The following SHANK2 variants were observed in gnomAD, a reference collection of about 807,000 sequenced individuals.
The protein encoded by SHANK2 is SH3 and multiple ankyrin repeat domains 2.
Under a neutral mutation model 133.7 loss-of-function variants are expected in SHANK2, and 43 were observed. That is an observed-to-expected ratio of 0.32 (90% CI 0.25 to 0.41). The LOEUF (loss-of-function observed/expected upper bound fraction) is 0.41. SHANK2 is among the 10% of genes least tolerant of loss of function. The pLI, the probability that SHANK2 is intolerant of heterozygous loss-of-function variation, is 1.00. For missense variants in SHANK2, 1,994 were observed against 2,235.8 expected (o/e 0.89, Z 2.18); for synonymous variants, 1,017 against 952.8 (o/e 1.07, Z -1.24).
intron 14 of SHANK2, among the ~76,000 whole-genome samples, chr11:70,736,261 C>T (rs782581088): frequency 7.2e-5 from 11 of 152,148 alleles, no homozygotes; most frequent in Admixed American, 4.6e-4. Flanking sequence ...CAGTGTGCCC[C>T]TCTCTAGTTG....
At chr11:70,810,886 G>A (rs1410483770) in intron 12 of SHANK2, among the ~76,000 whole-genome samples, 4 of 152,184 alleles carry the variant, frequency 2.6e-5, no homozygotes, top group African/African-American at 7.2e-5. Flanking sequence ...GGGCTATGCC[G>A]ACATCATCTC....
At position 70,486,936 on chromosome 11, in the gene SHANK2, G is replaced by C. The variant is rs1197623645; in HGVS notation, c.3357C>G (p.Pro1119=). 1.9e-6 allele frequency: 3 copies of C among 1,612,186 alleles called. No homozygotes were observed. The African/African-American group carries it at 4.0e-5, about 22-fold the overall frequency. Residue 1119 remains proline, a synonymous_variant, in exon 25 of 26, where the codon CCC becomes CCG. Transcript: ENST00000601538. This position sits in a 1 kb window ranked among gnomAD's most constrained non-coding sequence, Gnocchi z 8.0. ...CGGGGAACATGGAGGGCCGCGTCCT[G>C]GGGGCGGGTGGCCCCAGGCCCACAT... ...DEDVGLGPPA[P]RTRPSMFPEE... is the part of the protein sequence containing the mutation.
intron 17 of SHANK2, among the ~76,000 whole-genome samples, chr11:70,586,519 C>T (rs529912831): frequency 1.5e-4 from 23 of 152,272 alleles, no homozygotes; most frequent in African/African-American, 4.8e-4. Context: ...AGCCTGGACA[C>T]ACTACTCTTC....
At chr11:71,072,984 C>T (rs1380786521) in intron 9 of SHANK2, among the ~76,000 whole-genome samples, 2 of 151,872 alleles carry the variant, frequency 1.3e-5, no homozygotes, top group African/African-American at 4.8e-5. Flanking sequence ...ATTGCATAGC[C>T]ATGTAAATGT....
chr11:70,588,490 C>A (rs2136256738), intron 17 of SHANK2, among the ~76,000 whole-genome samples: 1 of 152,322 alleles, frequency 6.6e-6, no homozygotes, highest in East Asian at 1.9e-4. Context: ...ACTGGAACAA[C>A]CATATCACTG....
intron 11 of SHANK2, chr11:70,872,227 A>G (rs1187712338): frequency 1.3e-5 from 2 of 154,760 alleles, no homozygotes; most frequent in Non-Finnish European, 2.9e-5. Flanking sequence ...ACTACTGCCA[A>G]CGAGCTACGG....
chr11:71,087,296 C>T (rs1435229037), intron 8 of SHANK2, among the ~76,000 whole-genome samples: 1 of 152,086 alleles, frequency 6.6e-6, no homozygotes, highest in Non-Finnish European at 1.5e-5. Flanking sequence ...GAGATGGGCC[C>T]GGAGACATTT....
At position 70,904,683 on chromosome 11, in the gene SHANK2, GT is replaced by G. The variant is rs202083691; in HGVS notation, c.1108-8117del. 4.3e-3 allele frequency among the ~76,000 whole-genome samples: 652 copies of G among 152,060 alleles called. 1 individual carries two copies. Among genetic ancestry groups the G allele is most frequent in the Non-Finnish European group, 6.5e-3 (440 of 67,966 alleles). On this transcript the variant is annotated intron_variant, in intron 10 of 25. Coordinates refer to ENST00000601538, the MANE Select transcript of SHANK2 (RefSeq NM_012309.5). ...CCACCACACCTGGCTAATTTTTCTA[GT>G]TTTAGTAGAGATGGGGTTTCACCAT...
chr11:70,601,782 C>T (rs576993430), intron 17 of SHANK2, among the ~76,000 whole-genome samples: 1 of 152,316 alleles, frequency 6.6e-6, no homozygotes, highest in African/African-American at 2.4e-5. Context: ...ATAAAAGATG[C>T]TCAAGTCCAT....
chr11:70,473,404 C>T lies in SHANK2; in HGVS notation c.5015G>A (p.Arg1672Gln), dbSNP rs782788809. Residue 1672 changes from arginine to glutamine, a missense_variant, in exon 26 of 26, where the codon CGG becomes CAG. Coordinates refer to ENST00000601538, the MANE Select transcript of SHANK2 (RefSeq NM_012309.5). The surrounding 1 kb of genome is among the most constrained non-coding windows in gnomAD (Gnocchi z 5.9). ...AACAGTGAAGGTGACCGTCGTGCTC[C>T]GTGTACCTGAGATGGTGCTCATGAT... The part of the protein sequence containing the change: ...PEIMSTISGT[R>Q]STTVTFTVRP... 6.2e-6 allele frequency: 10 copies of T among 1,607,492 alleles called. No individual in the cohort carries two copies. Among genetic ancestry groups the T allele is most frequent in the South Asian group, 3.3e-5 (3 of 91,072 alleles).
chr11:70,817,775 C>T (rs1201399974), intron 12 of SHANK2, among the ~76,000 whole-genome samples: 1 of 152,214 alleles, frequency 6.6e-6, no homozygotes, highest in Non-Finnish European at 1.5e-5. Flanking sequence ...CGCTCTGTCA[C>T]TCAGGCCGGA....
At chr11:70,567,365 A>G (rs111407592) in intron 17 of SHANK2, among the ~76,000 whole-genome samples, 1,605 of 152,246 alleles carry the variant, frequency 0.011, 25 homozygotes, top group African/African-American at 0.037. Flanking sequence ...GTGGTGGCTC[A>G]TGCCTATAAT....
chr11:70,538,683 T>C (rs2059575197), intron 17 of SHANK2, among the ~76,000 whole-genome samples: 1 of 152,134 alleles, frequency 6.6e-6, no homozygotes, highest in African/African-American at 2.4e-5. Context: ...CTGTGCTGGT[T>C]CCCTGGGGCT....
intron 9 of SHANK2, among the ~76,000 whole-genome samples, chr11:71,059,007 G>A (rs1215571562): frequency 6.6e-6 from 1 of 152,218 alleles, no homozygotes; most frequent in Non-Finnish European, 1.5e-5. Context: ...CTGAGGTCAG[G>A]AGTTCAAGAC....
At chr11:70,539,312 G>A (rs2059583759) in intron 17 of SHANK2, among the ~76,000 whole-genome samples, 2 of 152,194 alleles carry the variant, frequency 1.3e-5, no homozygotes, top group Admixed American at 1.3e-4. Flanking sequence ...AGCCTTGGAT[G>A]GACTGGAGAC....
At chr11:70,595,772 T>C (rs1387161737) in intron 17 of SHANK2, among the ~76,000 whole-genome samples, 1 of 152,188 alleles carries the variant, frequency 6.6e-6, no homozygotes, top group South Asian at 2.1e-4. Flanking sequence ...CACCAGGAAA[T>C]GACTCAGAGA....
At chr11:70,591,209 G>C (rs1473661624) in intron 17 of SHANK2, among the ~76,000 whole-genome samples, 1 of 152,002 alleles carries the variant, frequency 6.6e-6, no homozygotes, top group African/African-American at 2.4e-5. Context: ...AAAATTAGCT[G>C]GGTGCGGTGG....
intron 10 of SHANK2, among the ~76,000 whole-genome samples, chr11:70,910,375 G>T (rs1456661386): frequency 1.3e-5 from 2 of 152,210 alleles, no homozygotes; most frequent in African/African-American, 4.8e-5. Flanking sequence ...CCCTCACGTG[G>T]TCTGTTTTCA....
At chr11:70,731,033 G>A (rs898076506) in intron 14 of SHANK2, among the ~76,000 whole-genome samples, 10 of 152,068 alleles carry the variant, frequency 6.6e-5, no homozygotes, top group African/African-American at 1.2e-4. Flanking sequence ...CTGTGTGCCC[G>A]CAACACACAT....
Sources: gnomAD v4.1 joint callset for allele counts (sites outside exome capture counted in the v4.1 genomes callset) on GRCh38, gnomAD v4.1.1 for gene constraint, Gnocchi (gnomAD v3.1) non-coding constraint, MANE v1.5 for transcripts, NCBI Gene and HGNC (gene_info 2026-07-23, HGNC 2026-07-21) for gene names.